METTL15: variants seen among roughly 807,000 people sequenced by gnomAD.
METTL15 encodes 12S rRNA N(4)-cytidine methyltransferase METTL15.
A neutral mutation model predicts 38.3 loss-of-function variants in METTL15; 34 were observed. That is an observed-to-expected ratio of 0.89 (90% CI 0.68 to 1.18). The LOEUF (loss-of-function observed/expected upper bound fraction) is 1.18. METTL15 is among the 50% of genes most tolerant of loss of function. METTL15 has a pLI of 0.00. For missense variants in METTL15, 438 were observed against 498.4 expected, an observed-to-expected ratio of 0.88 and a Z score of 1.15; for synonymous variants, 162 against 170.9, an observed-to-expected ratio of 0.95 and a Z score of 0.41.
chr11:28,193,067 A>T (rs1199141500), intron 3 of METTL15, among the ~76,000 whole-genome samples: 1 of 152,110 alleles, frequency 6.6e-6, no homozygotes, highest in Non-Finnish European at 1.5e-5. Context: ...AAACTTTTAG[A>T]CTAATTACTA....
intron 3 of METTL15, among the ~76,000 whole-genome samples, chr11:28,344,624 G>C (rs1849981811): frequency 6.6e-6 from 1 of 152,104 alleles, no homozygotes; most frequent in African/African-American, 2.4e-5. Context: ...TTTCATACCT[G>C]GGTGCTTCAA....
At chr11:28,229,142 T>G (rs1853591687) in intron 4 of METTL15, among the ~76,000 whole-genome samples, 1 of 152,026 alleles carries the variant, frequency 6.6e-6, no homozygotes, top group South Asian at 2.1e-4. Flanking sequence ...TAACATTGTT[T>G]AATAAATGTT....
At chr11:28,366,740 C>T (rs558563038) in intron 5 of METTL15, among the ~76,000 whole-genome samples, 4 of 152,220 alleles carry the variant, frequency 2.6e-5, no homozygotes, top group South Asian at 2.1e-4. Flanking sequence ...GCTAAATTGG[C>T]GCAGCATGCT....
intron 4 of METTL15, among the ~76,000 whole-genome samples, chr11:28,284,274 T>G (rs1411178599): frequency 6.6e-6 from 1 of 152,210 alleles, no homozygotes; most frequent in East Asian, 1.9e-4. Flanking sequence ...TACATCTTTG[T>G]TATTTACTCA....
At chr11:28,296,960 AAG>A (rs746508353) in intron 6 of METTL15, 29 bp downstream of exon 6, 1 of 1,611,720 alleles carries the variant, frequency 6.2e-7, no homozygotes, top group Non-Finnish European at 8.5e-7. Context: ...AACAGTGTCT[AAG>A]AGAAAAAATT....
intron 4 of METTL15, among the ~76,000 whole-genome samples, chr11:28,248,707 A>G (rs1039986529): frequency 6.6e-6 from 1 of 152,004 alleles, no homozygotes; most frequent in African/African-American, 2.4e-5. Flanking sequence ...CTTCTTTTAT[A>G]TTCCACAAAA....
rs542644925 is a variant in METTL15, at chr11:28,132,584, C to T, written c.270+18980C>T. ...TTCAGCTGCTTTTAAGTTTGTCTTG[C>T]GGAGGGTTTCTTCCATGAGATTTTC... On this transcript the variant is annotated intron_variant, in intron 3 of 6. Coordinates refer to ENST00000407364, the MANE Select transcript of METTL15 (RefSeq NM_001113528.2). Among the ~76,000 whole-genome samples the T allele has an allele frequency of 5.9e-5, 9 of 152,016 alleles. No homozygotes were observed. The East Asian group carries it at 7.7e-4, about 13-fold the overall frequency.
intron 6 of METTL15, among the ~76,000 whole-genome samples, chr11:28,492,492 T>G (rs1387386149): frequency 6.7e-6 from 1 of 149,174 alleles, no homozygotes; most frequent in African/African-American, 2.5e-5. Context: ...TGTCAGAAAT[T>G]GATAAATTTT....
intron 3 of METTL15, among the ~76,000 whole-genome samples, chr11:28,178,256 C>T (rs751343076): frequency 2.6e-5 from 4 of 151,900 alleles, no homozygotes; most frequent in Non-Finnish European, 5.9e-5. Flanking sequence ...ATATCATTAA[C>T]ATTTTTATAT....
At chr11:28,130,616 G>A (rs1285438921) in intron 3 of METTL15, among the ~76,000 whole-genome samples, 3 of 152,092 alleles carry the variant, frequency 2.0e-5, no homozygotes, top group Non-Finnish European at 4.4e-5. Context: ...TGAGAGAGAT[G>A]AAGGTCACTG....
intron 6 of METTL15, among the ~76,000 whole-genome samples, chr11:28,502,100 CAAAAAAA>C: frequency 8.3e-6 from 1 of 121,066 alleles, no homozygotes; most frequent in South Asian, 2.9e-4. Flanking sequence ...GACTCTGTCT[CAAAAAAA>C]AAAAAAAGAA....
intron 6 of METTL15, among the ~76,000 whole-genome samples, chr11:28,310,006 T>C (rs1857219195): frequency 6.6e-6 from 1 of 152,174 alleles, no homozygotes; most frequent in African/African-American, 2.4e-5. Context: ...TTTTGGAGTT[T>C]CTACCCAACC....
At chr11:28,414,215 GAACCTGGAGCTAAGACA>G (rs1168989861) in intron 5 of METTL15, among the ~76,000 whole-genome samples, 1 of 152,124 alleles carries the variant, frequency 6.6e-6, no homozygotes, top group Non-Finnish European at 1.5e-5. Context: ...TCACCTGATG[GAACCTGGAGCTAAGACA>G]AACTTGCCAA....
At chr11:28,477,689 A>G (rs1461547613) in intron 6 of METTL15, 1 of 152,176 alleles carries the variant, frequency 6.6e-6, no homozygotes, top group East Asian at 1.9e-4. Context: ...TGGGTGTTTT[A>G]TATTATAAGA....
intron 4 of METTL15, chr11:28,287,439 C>T: frequency 2.4e-6 from 1 of 422,534 alleles, no homozygotes. Flanking sequence ...CTGTGAGGTT[C>T]ACAACAATTT....
chr11:28,195,648 A>C (rs1165226350), intron 3 of METTL15, among the ~76,000 whole-genome samples: 1 of 151,786 alleles, frequency 6.6e-6, no homozygotes. Context: ...ATTTTCTCTC[A>C]TTCTCTAGGT....
intron 4 of METTL15, among the ~76,000 whole-genome samples, chr11:28,228,648 C>A (rs1349976984): frequency 6.6e-6 from 1 of 151,642 alleles, no homozygotes; most frequent in Non-Finnish European, 1.5e-5. Context: ...TGCAGTTAAA[C>A]CTTATTGTTG....
intron 3 of METTL15, among the ~76,000 whole-genome samples, chr11:28,351,118 ATTTT>A (rs71050956): frequency 6.6e-6 from 1 of 151,032 alleles, no homozygotes; most frequent in African/African-American, 2.4e-5. Context: ...TTTAAAAAAA[ATTTT>A]TTTTTTTTAA....
At chr11:28,141,690 A>G (rs898109659) in intron 3 of METTL15, among the ~76,000 whole-genome samples, 1 of 152,158 alleles carries the variant, frequency 6.6e-6, no homozygotes, top group African/African-American at 2.4e-5. Context: ...CCTGTATCAA[A>G]ACAAAGCAAA....
Sources: allele counts gnomAD v4.1 joint callset (sites outside exome capture counted in the v4.1 genomes callset), GRCh38; gene constraint gnomAD v4.1.1; transcripts MANE v1.5; gene names NCBI Gene and HGNC (gene_info 2026-07-23, HGNC 2026-07-21).